FBN1: variants seen among roughly 807,000 people sequenced by gnomAD.
FBN1 encodes fibrillin-1.
In FBN1, 29 loss-of-function variants were observed where a neutral mutation model predicts 365.1. The ratio of observed to expected loss-of-function variants is 0.08; its 90% CI spans 0.06 to 0.11. FBN1 has a LOEUF of 0.11. Ranked by LOEUF, FBN1 falls within the 10% of genes least tolerant of loss-of-function variation. FBN1 has a pLI of 1.00. For missense variants in FBN1, 2,476 were observed against 3,703.2 expected, an observed-to-expected ratio of 0.67 and a Z score of 8.60; for synonymous variants, 1,210 against 1,270.5, an observed-to-expected ratio of 0.95 and a Z score of 1.01.
chr15:48,442,310 CT>C (rs1256522675), intron 49 of FBN1, among the ~76,000 whole-genome samples: 2 of 152,198 alleles, frequency 1.3e-5, no homozygotes, highest in Non-Finnish European at 2.9e-5. Flanking sequence ...ACCCACAGAA[CT>C]TTTCCCAATA....
rs76482294 is a variant in FBN1 at position 48,570,334 on chromosome 15, G to A, written c.538+25949C>T. Among the ~76,000 whole-genome samples, 189 of 152,202 alleles carry A rather than the reference G, an allele frequency of 1.2e-3. 9 individuals are homozygous for A. The East Asian group carries it at 0.034, about 27-fold the overall frequency. Reference sequence around the variant, plus strand: ...ATTAACATCACGTTCTAGCAAATAAGATTCTTTACATAAATCTATATCACA... The same window carrying A: ...ATTAACATCACGTTCTAGCAAATAAAATTCTTTACATAAATCTATATCACA... On this transcript the variant is annotated intron_variant, in intron 6 of 65. Transcript: ENST00000316623.
chr15:48,612,782 T>C (rs1053149137), intron 3 of FBN1, among the ~76,000 whole-genome samples: 2 of 152,182 alleles, frequency 1.3e-5, no homozygotes, highest in Non-Finnish European at 2.9e-5. Flanking sequence ...GCACAACATA[T>C]GTAAATGACA....
chr15:48,481,842 C>G (rs1168420539), intron 31 of FBN1, 62 bp from the exon 32 acceptor site: 2 of 1,479,764 alleles, frequency 1.4e-6, no homozygotes, highest in African/African-American at 2.8e-5. Context: ...ACTTTCCCCT[C>G]GAGACATAAT....
intron 51 of FBN1, 171 bp downstream of exon 51, chr15:48,437,597 A>G (rs2043083413): frequency 1.2e-6 from 1 of 857,608 alleles, no homozygotes; most frequent in East Asian, 2.6e-5. Flanking sequence ...ACATAATTAA[A>G]AAGAAAATAA....
chr15:48,481,950 A>G (rs1434613856), intron 31 of FBN1, among the ~76,000 whole-genome samples, 170 bp from the exon 32 acceptor site: 1 of 152,196 alleles, frequency 6.6e-6, no homozygotes, highest in Non-Finnish European at 1.5e-5. Flanking sequence ...CATTCTTTAC[A>G]TTGCAAGCTC....
chr15:48,496,101 T>G lies in FBN1; in HGVS notation c.2418A>C (p.Glu806Asp). 1 of 1,613,768 alleles carries G rather than the reference T, an allele frequency of 6.2e-7. No individual in the cohort carries two copies. ...TATAAGAACAAAAATATGGTTTACCTTCACATGTTTTTAGATCAGGTTTGT... is the reference window on the plus strand; with the variant it reads ...TATAAGAACAAAAATATGGTTTACCGTCACATGTTTTTAGATCAGGTTTGT... ...FIYKPDLKTC[E>D]DIDECESSPC... Residue 806 changes from glutamate to aspartate, a missense_variant and splice_region_variant, in exon 20 of 66, where the codon GAA (glutamate) becomes GAC (aspartate). By Grantham distance (45) the Glu-to-Asp change is conservative. Around this residue, in one of 5 missense-constraint regions of FBN1, gnomAD observed 1,780 missense variants for 2,840.8 expected, o/e 0.63. Coordinates refer to ENST00000316623, the MANE Select transcript of FBN1 (RefSeq NM_000138.5).
At chr15:48,557,348 G>A (rs2044189379) in intron 6 of FBN1, among the ~76,000 whole-genome samples, 1 of 152,170 alleles carries the variant, frequency 6.6e-6, no homozygotes, top group Admixed American at 6.5e-5. Flanking sequence ...TCCTGGTCTA[G>A]TACTATTTTC....
intron 6 of FBN1, among the ~76,000 whole-genome samples, chr15:48,543,778 T>C (rs1337734224): frequency 1.3e-5 from 2 of 152,204 alleles, no homozygotes; most frequent in African/African-American, 2.4e-5. Context: ...AGAAATCTTA[T>C]GTGGACTACA....
intron 43 of FBN1, among the ~76,000 whole-genome samples, chr15:48,459,579 C>T (rs144710928): frequency 5.1e-4 from 78 of 152,326 alleles, no homozygotes; most frequent in Admixed American, 1.0e-3. Flanking sequence ...ATATAAATCA[C>T]ACCAGGGAAA....
chr15:48,597,604 C>T (rs2044525813), intron 5 of FBN1, among the ~76,000 whole-genome samples: 1 of 152,164 alleles, frequency 6.6e-6, no homozygotes, highest in African/African-American at 2.4e-5. Flanking sequence ...CGGGTCTTTT[C>T]CCCAATAAAT....
intron 32 of FBN1, among the ~76,000 whole-genome samples, chr15:48,475,629 T>C (rs1338805224): frequency 6.6e-6 from 1 of 152,192 alleles, no homozygotes; most frequent in Non-Finnish European, 1.5e-5. Flanking sequence ...AGAAGAACAA[T>C]TTTGCCATAC....
chr15:48,593,501 C>T (rs1192032553), intron 6 of FBN1, among the ~76,000 whole-genome samples: 1 of 152,108 alleles, frequency 6.6e-6, no homozygotes, highest in Non-Finnish European at 1.5e-5. Flanking sequence ...AAGATGGGAC[C>T]AAATTCAATT....
intron 7 of FBN1, among the ~76,000 whole-genome samples, chr15:48,536,395 T>G (rs2044014268): frequency 6.6e-6 from 1 of 151,958 alleles, no homozygotes; most frequent in Non-Finnish European, 1.5e-5. Context: ...GGGTCACTGA[T>G]GGGCAGCTGA....
In FBN1 at chr15:48,610,844, G is replaced by T. The variant is rs377672823; in HGVS notation, c.248-18C>A. 4 of 1,602,834 alleles carry T rather than the reference G, an allele frequency of 2.5e-6. No individual in the cohort carries two copies. In the African/African-American group the frequency reaches 5.4e-5, roughly 21 times the overall value. On this transcript the variant is annotated intron_variant, in intron 3 of 65. Coordinates refer to ENST00000316623, the MANE Select transcript of FBN1 (RefSeq NM_000138.5). ...GCAAATGGCTGTGAATAAACCAGAG[G>T]TCTGTTAGCACATGGATTTGGAACA...
Position 48,558,808 on chromosome 15 carries a change from G to A in FBN1, c.539-21000C>T, listed in dbSNP as rs369428328. 9.2e-5 allele frequency among the ~76,000 whole-genome samples: 14 copies of A among 152,260 alleles called. 1 individual carries two copies. Among genetic ancestry groups the A allele is most frequent in the African/African-American group, 3.1e-4 (13 of 41,544 alleles). On this transcript the variant is annotated intron_variant, in intron 6 of 65. Coordinates refer to ENST00000316623, the MANE Select transcript of FBN1 (RefSeq NM_000138.5). ...ATTCCATGAAAATTTTTGAAGTATC[G>A]TGGGAGTACCTATAGGTGCTGTATA...
chr15:48,469,562 T>C (rs1431002317), intron 36 of FBN1, among the ~76,000 whole-genome samples: 1 of 152,150 alleles, frequency 6.6e-6, no homozygotes, highest in East Asian at 1.9e-4. Flanking sequence ...ACAAACGGCT[T>C]CTGTGAGGAG....
intron 9 of FBN1, among the ~76,000 whole-genome samples, chr15:48,521,308 G>T (rs1360693976): frequency 3.9e-5 from 6 of 152,218 alleles, no homozygotes; most frequent in Non-Finnish European, 5.9e-5. Context: ...GTGAGAGTCA[G>T]ACATAAGTTT....
At chr15:48,586,531 CA>C (rs1464315552) in intron 6 of FBN1, among the ~76,000 whole-genome samples, 3 of 152,154 alleles carry the variant, frequency 2.0e-5, no homozygotes, top group African/African-American at 7.2e-5. Context: ...GGATGGCATG[CA>C]CACTGACCAC....
Position 48,437,011 on chromosome 15 carries a change from T to A in FBN1, c.6446A>T (p.Tyr2149Phe), listed in dbSNP as rs113080385. 4.3e-6 allele frequency: 7 copies of A among 1,613,340 alleles called. No homozygotes were observed. Among genetic ancestry groups the A allele is most frequent in the Middle Eastern group, 3.3e-4 (2 of 6,056 alleles). ...HGQCINTDGS[Y>F]RCECPFGYIL... is the part of the protein sequence containing the mutation. Reference sequence around the variant, plus strand: ...ATAACCAAAGGGACACTCGCAGCGATAGGAACCATCTGTATTGATGCACTG... The same window carrying A: ...ATAACCAAAGGGACACTCGCAGCGAAAGGAACCATCTGTATTGATGCACTG... Residue 2149 changes from tyrosine (Y) to phenylalanine (F), a missense_variant, in exon 53 of 66, where the codon TAT becomes TTT. This residue lies in a region of FBN1 where 1,780 missense variants were observed against 2,840.8 expected (regional missense o/e 0.63). Transcript: ENST00000316623.
Sources: allele counts gnomAD v4.1 joint callset (sites outside exome capture counted in the v4.1 genomes callset), GRCh38; gene constraint gnomAD v4.1.1; regional missense constraint gnomAD v4.1.1; transcripts MANE v1.5; gene names NCBI Gene and HGNC (gene_info 2026-07-23, HGNC 2026-07-21).